GNG7: variants seen among roughly 807,000 people sequenced by gnomAD.
GNG7 encodes the protein guanine nucleotide-binding protein G(I)/G(S)/G(O) subunit gamma-7.
Under a neutral mutation model 4.0 loss-of-function variants are expected in GNG7, and 1 was observed. The observed-to-expected ratio is 0.25, with a 90% CI of 0.09 to 1.18. The LOEUF is 1.18. GNG7 is among the 50% of genes most tolerant of loss of function. The probability of loss-of-function intolerance (pLI) is 0.50; values close to 1 mark genes in which losing one functional copy is unlikely to be tolerated. For synonymous variants in GNG7, 34 were observed against 36.9 expected, an observed-to-expected ratio of 0.92 and a Z score of 0.29; for missense variants, 86 against 91.9, an observed-to-expected ratio of 0.94 and a Z score of 0.26.
intron 1 of GNG7, among the ~76,000 whole-genome samples, chr19:2,659,524 A>C (rs1983088111): frequency 7.2e-6 from 1 of 139,170 alleles, no homozygotes; most frequent in Non-Finnish European, 1.5e-5. Context: ...TGGGAGGCGG[A>C]GGTTGCAGTG....
chr19:2,558,244 G>GTTTT (rs1435255853), intron 2 of GNG7, among the ~76,000 whole-genome samples: 80 of 48,676 alleles, frequency 1.6e-3, no homozygotes, highest in African/African-American at 6.0e-3. Flanking sequence ...TTTTGTTTTT[G>GTTTT]TTTTTGTTTT....
intron 1 of GNG7, among the ~76,000 whole-genome samples, chr19:2,691,771 G>A (rs1913140615): frequency 1.3e-5 from 2 of 151,704 alleles, no homozygotes; most frequent in South Asian, 4.2e-4. Flanking sequence ...GGAGGCTGAG[G>A]CAGGAGAATT....
intron 1 of GNG7, among the ~76,000 whole-genome samples, chr19:2,699,506 C>A (rs73920494): frequency 0.11 from 16,611 of 152,116 alleles, 2,086 homozygotes; most frequent in African/African-American, 0.31. Context: ...CTCCCCTCTC[C>A]GAATGACAGC....
chr19:2,577,196 G>A (rs1980367773), intron 2 of GNG7, among the ~76,000 whole-genome samples: 1 of 152,180 alleles, frequency 6.6e-6, no homozygotes, highest in Non-Finnish European at 1.5e-5. Context: ...GTACGTCACG[G>A]TTTGTGGGGT....
chr19:2,669,310 T>A (rs1271470453), intron 1 of GNG7, among the ~76,000 whole-genome samples: 2 of 151,942 alleles, frequency 1.3e-5, no homozygotes, highest in Non-Finnish European at 2.9e-5. Flanking sequence ...ACCAACATGG[T>A]GAAACCCCAT....
intron 2 of GNG7, among the ~76,000 whole-genome samples, chr19:2,644,762 G>A (rs1982621358): frequency 6.6e-6 from 1 of 152,072 alleles, no homozygotes; most frequent in South Asian, 2.1e-4. Flanking sequence ...TGAGCGTGAC[G>A]TCCTCAAGGT....
chr19:2,610,921 T>C (rs938192407), intron 2 of GNG7: 2 of 130,570 alleles, frequency 1.5e-5, no homozygotes, highest in African/African-American at 2.9e-5. Context: ...TCCTGGGCAC[T>C]AAACTTGACA....
chr19:2,512,197 G>T lies in GNG7; in HGVS notation c.*2825C>A, dbSNP rs1972665894. The T allele has an allele frequency of 2.0e-6, 2 of 985,766 alleles. No individual in the cohort carries two copies. Among genetic ancestry groups the T allele is most frequent in the Admixed American group, 6.1e-5 (1 of 16,266 alleles). The allele number at this position is 985,766 out of a possible 1,614,324, so 61.1% of individuals were successfully genotyped here. ...TGCCACCCCCGCCCGCCAGCTCCCC[G>T]TCTGGAGGTGCACGCGCGCTCCTGG... On this transcript the variant is annotated 3_prime_UTR_variant, in exon 5 of 5. Transcript: ENST00000382159. The surrounding 1 kb of genome is among the most constrained non-coding windows in gnomAD (Gnocchi z 4.7).
Position 2,554,181 on chromosome 19 carries a change from A to ATT in GNG7, c.-38+966_-38+967dup, listed in dbSNP as rs555131955. ...ATTATATATAATATATAATATATAT[A>ATT]TTTTTTTCTTTTCTTTAGAGACCTG... On this transcript the variant is annotated intron_variant, in intron 3 of 4. Coordinates refer to ENST00000382159, the MANE Select transcript of GNG7 (RefSeq NM_052847.3). 4.5e-3 allele frequency among the ~76,000 whole-genome samples: 649 copies of ATT among 143,562 alleles called. 5 individuals carry two copies. The highest frequency in any genetic ancestry group is 0.011 in the African/African-American group (403 of 37,108). 94.2% of individuals were successfully genotyped at this position (143,562 alleles called of 152,430 possible). A position where few individuals can be genotyped will look rare whatever the true frequency, so the allele number is the denominator to read the frequency against.
At chr19:2,636,026 C>T (rs111592460) in intron 2 of GNG7, among the ~76,000 whole-genome samples, 8 of 152,308 alleles carry the variant, frequency 5.3e-5, no homozygotes, top group African/African-American at 1.7e-4. Flanking sequence ...AGGACAGCCC[C>T]ACCCCAGAGA....
intron 2 of GNG7, among the ~76,000 whole-genome samples, chr19:2,603,129 C>T (rs1981265272): frequency 6.6e-6 from 1 of 151,836 alleles, no homozygotes; most frequent in Non-Finnish European, 1.5e-5. Flanking sequence ...CACAATAGCA[C>T]AGTCTTGCCT....
intron 3 of GNG7, among the ~76,000 whole-genome samples, chr19:2,545,341 G>A (rs150599065): frequency 8.7e-4 from 133 of 152,088 alleles, no homozygotes; most frequent in African/African-American, 3.0e-3. Flanking sequence ...CCCTGGTTTA[G>A]ACTCTGCAGA....
intron 1 of GNG7, among the ~76,000 whole-genome samples, chr19:2,672,040 G>C (rs1983467482): frequency 1.2e-5 from 1 of 82,778 alleles, no homozygotes. Context: ...GACAGAGTGA[G>C]ACTCCGTCTC....
chr19:2,671,456 C>T (rs1269940514), intron 1 of GNG7, among the ~76,000 whole-genome samples: 7 of 152,158 alleles, frequency 4.6e-5, no homozygotes, highest in African/African-American at 7.2e-5. Context: ...TCCGGCCTGC[C>T]TTCTGCCTCA....
At chr19:2,696,855 G>A (rs1913278396) in intron 1 of GNG7, among the ~76,000 whole-genome samples, 1 of 152,134 alleles carries the variant, frequency 6.6e-6, no homozygotes, top group African/African-American at 2.4e-5. Flanking sequence ...ACTAGGTGAT[G>A]GAATGTTTTT....
At chr19:2,568,198 CATAT>C (rs200232712) in intron 2 of GNG7, among the ~76,000 whole-genome samples, 5 of 150,438 alleles carry the variant, frequency 3.3e-5, no homozygotes, top group African/African-American at 1.2e-4. Context: ...CATACACACA[CATAT>C]AGACATACAC....
intron 2 of GNG7, chr19:2,595,057 T>C (rs1036546665): frequency 2.6e-5 from 4 of 151,462 alleles, no homozygotes; most frequent in African/African-American, 2.4e-5. Flanking sequence ...GTGGTCAAGG[T>C]TGCAGTGAAC....
chr19:2,566,157 C>CAAAA (rs1555694293), intron 2 of GNG7, among the ~76,000 whole-genome samples: 1 of 151,602 alleles, frequency 6.6e-6, no homozygotes, highest in African/African-American at 2.4e-5. Context: ...GACTCCGTCT[C>CAAAA]ATAAATAAAT....
intron 1 of GNG7, among the ~76,000 whole-genome samples, chr19:2,696,336 AAG>A (rs1214183470): frequency 1.1e-3 from 155 of 145,438 alleles, no homozygotes; most frequent in African/African-American, 3.8e-3. Context: ...GAAAGAAAGA[AAG>A]AAAGAAAGAA....
Sources: gnomAD v4.1 joint callset for allele counts (sites outside exome capture counted in the v4.1 genomes callset) on GRCh38, gnomAD v4.1.1 for gene constraint, Gnocchi (gnomAD v3.1) non-coding constraint, MANE v1.5 for transcripts, NCBI Gene and HGNC (gene_info 2026-07-23, HGNC 2026-07-21) for gene names.